EFCAB13: variants seen among roughly 807,000 people sequenced by gnomAD.
EFCAB13 encodes EF-hand calcium binding domain 13.
EFCAB13 carries 91 observed loss-of-function variants against 110.2 expected under a neutral mutation model. The ratio of observed to expected loss-of-function variants is 0.83; its 90% CI spans 0.70 to 0.98. The LOEUF (loss-of-function observed/expected upper bound fraction) is 0.98, where lower values mean the gene tolerates loss of function less well. Ranked by LOEUF, EFCAB13 falls within the 50% of genes least tolerant of loss-of-function variation. The pLI is 0.00. For missense variants in EFCAB13, 968 were observed against 1,119.4 expected, an observed-to-expected ratio of 0.86 and a Z score of 1.93; for synonymous variants, 323 against 369.9, an observed-to-expected ratio of 0.87 and a Z score of 1.45.
At chr17:47,405,700 A>G (rs947271161) in intron 20 of EFCAB13, among the ~76,000 whole-genome samples, 1 of 151,494 alleles carries the variant, frequency 6.6e-6, no homozygotes, top group Non-Finnish European at 1.5e-5. Flanking sequence ...TCTTAAATTT[A>G]TATATATAGG....
chr17:47,411,629 A>G (rs1355294446), intron 21 of EFCAB13, among the ~76,000 whole-genome samples: 1 of 152,238 alleles, frequency 6.6e-6, no homozygotes, highest in Non-Finnish European at 1.5e-5. Context: ...AAGCTGTAAA[A>G]TAACTGTTAG....
rs137885108 is a variant in EFCAB13 at position 47,412,887 on chromosome 17, A to C, written c.2393A>C (p.Asn798Thr). Reference protein sequence around the residue: ...LNVNLTEEDFNEALNCCNVSD... With the variant: ...LNVNLTEEDFTEALNCCNVSD... ...GTTAATTTAACTGAGGAGGACTTCA[A>C]TGAAGCCCTTAACTGTTGTAACGTC... The change falls in exon 22 of 25, where the codon AAT becomes ACT. Residue 798 changes from asparagine (N) to threonine (T), a missense_variant. Physicochemically the swap from Asn to Thr is moderately conservative, Grantham distance 65. Transcript: ENST00000331493. The C allele has an allele frequency of 3.7e-6, 6 of 1,613,662 alleles. No homozygotes were observed. In the African/African-American group the frequency reaches 6.7e-5, roughly 18 times the overall value.
intron 11 of EFCAB13, among the ~76,000 whole-genome samples, chr17:47,371,454 T>G (rs1451284423): frequency 6.6e-6 from 1 of 152,172 alleles, no homozygotes; most frequent in African/African-American, 2.4e-5. Flanking sequence ...GGTTATCCAC[T>G]TTTCCCAGCA....
intron 9 of EFCAB13, among the ~76,000 whole-genome samples, chr17:47,353,388 G>A (rs1054606160): frequency 1.3e-5 from 2 of 151,698 alleles, no homozygotes; most frequent in South Asian, 2.1e-4. Flanking sequence ...TCTGCCTCCC[G>A]GGTTCAAGGG....
intron 2 of EFCAB13, among the ~76,000 whole-genome samples, chr17:47,325,923 A>AATATAT (rs60735562): frequency 0.036 from 3,669 of 101,566 alleles, 107 homozygotes; most frequent in South Asian, 0.059. Context: ...ATATAAACAA[A>AATATAT]ATATATATAT....
intron 13 of EFCAB13, 51 bp downstream of exon 13, chr17:47,377,954 G>A (rs764424124): frequency 3.3e-5 from 49 of 1,488,762 alleles, no homozygotes; most frequent in Middle Eastern, 1.8e-4. Context: ...TATTTTTATC[G>A]GATAGTATTA....
At chr17:47,408,515 T>G (rs1310595452) in intron 20 of EFCAB13, among the ~76,000 whole-genome samples, 1 of 152,142 alleles carries the variant, frequency 6.6e-6, no homozygotes, top group South Asian at 2.1e-4. Flanking sequence ...TAGCCTGGCA[T>G]GGTGGCCCAT....
intron 10 of EFCAB13, 80 bp from the exon 11 acceptor site, chr17:47,370,357 G>A (rs2065574713): frequency 1.0e-6 from 1 of 979,832 alleles, no homozygotes; most frequent in African/African-American, 1.6e-5. Context: ...CACATTCTGT[G>A]TTGTTTTCAT....
chr17:47,433,781 G>A (rs1905161991), intron 24 of EFCAB13, among the ~76,000 whole-genome samples: 1 of 152,062 alleles, frequency 6.6e-6, no homozygotes, highest in South Asian at 2.1e-4. Context: ...TTACACTTAT[G>A]AGATTACTAA....
chr17:47,432,377 G>A (rs980943845), intron 24 of EFCAB13, among the ~76,000 whole-genome samples: 9 of 150,480 alleles, frequency 6.0e-5, no homozygotes, highest in African/African-American at 1.2e-4. Flanking sequence ...CAGCGTGGGC[G>A]ACTGAGCAAG....
At position 47,427,320 on chromosome 17, in the gene EFCAB13, A is replaced by G. The variant is rs539134264; in HGVS notation, c.2495-2498A>G. On this transcript the variant is annotated intron_variant, in intron 23 of 24. Transcript: ENST00000331493. Reference sequence around the variant, plus strand: ...TTATATGGCATAGGTTACCATAGTAATTACTGTCTGGGTGATACTGGAAAA... The same window carrying G: ...TTATATGGCATAGGTTACCATAGTAGTTACTGTCTGGGTGATACTGGAAAA... Among the ~76,000 whole-genome samples, 125 of 152,234 alleles carry G rather than the reference A, an allele frequency of 8.2e-4. 3 individuals carry two copies. The highest frequency in any genetic ancestry group is 2.2e-4 in the Non-Finnish European group (15 of 67,944).
At chr17:47,403,124 C>T (rs2065787485) in intron 18 of EFCAB13, among the ~76,000 whole-genome samples, 1 of 152,156 alleles carries the variant, frequency 6.6e-6, no homozygotes, top group Admixed American at 6.5e-5. Context: ...GAAAGTGAGG[C>T]AGGACATAAG....
intron 14 of EFCAB13, among the ~76,000 whole-genome samples, chr17:47,387,224 C>G (rs2065681398): frequency 6.6e-6 from 1 of 152,124 alleles, no homozygotes; most frequent in Non-Finnish European, 1.5e-5. Flanking sequence ...TCTTTTGTGG[C>G]CTGACGTGTG....
chr17:47,386,361 G>A (rs1167117193), intron 14 of EFCAB13, among the ~76,000 whole-genome samples: 1 of 152,144 alleles, frequency 6.6e-6, no homozygotes, highest in Non-Finnish European at 1.5e-5. Context: ...GAGGAATCTA[G>A]AGAGGCAGTC....
chr17:47,409,610 A>G, intron 20 of EFCAB13, 37 bp from the exon 21 acceptor site: 3 of 1,536,012 alleles, frequency 2.0e-6, no homozygotes, highest in Non-Finnish European at 1.8e-6. Context: ...TCAGGATGCC[A>G]TTCCTCATTG....
intron 14 of EFCAB13, among the ~76,000 whole-genome samples, chr17:47,381,434 A>G (rs1226524904): frequency 1.3e-5 from 2 of 152,138 alleles, no homozygotes; most frequent in African/African-American, 2.4e-5. Flanking sequence ...GCCCATGCCT[A>G]TGTCCTGAAT....
intron 11 of EFCAB13, among the ~76,000 whole-genome samples, 158 bp downstream of exon 11, chr17:47,370,666 C>T (rs1378668314): frequency 6.6e-6 from 1 of 151,488 alleles, no homozygotes; most frequent in Non-Finnish European, 1.5e-5. Flanking sequence ...ACTCAAAATG[C>T]TATTTACATG....
In EFCAB13 at chr17:47,440,829, A is replaced by G; in HGVS notation, c.*115A>G. On this transcript the variant is annotated 3_prime_UTR_variant, in exon 25 of 25. Transcript: ENST00000331493. The stretch of plus-strand genomic sequence containing the variant: ...TTAAAACTTTTGACAAATCCAGTAG[A>G]ATTTTTATCACTATCTGTTATGTTC... The G allele has an allele frequency of 1.2e-6, 1 of 837,640 alleles. No homozygotes were observed. Among genetic ancestry groups the G allele is most frequent in the Non-Finnish European group, 1.8e-6 (1 of 570,402 alleles). 51.9% of individuals were successfully genotyped at this position (837,640 alleles called of 1,614,324 possible).
intron 23 of EFCAB13, among the ~76,000 whole-genome samples, chr17:47,420,643 C>G (rs1449860551): frequency 1.4e-3 from 60 of 42,362 alleles, no homozygotes; most frequent in African/African-American, 5.0e-3. Context: ...GCCGCGACCC[C>G]GTGTGGGAGG....
Sources: allele counts gnomAD v4.1 joint callset (sites outside exome capture counted in the v4.1 genomes callset), GRCh38; gene constraint gnomAD v4.1.1; transcripts MANE v1.5; gene names NCBI Gene and HGNC (gene_info 2026-07-23, HGNC 2026-07-21).